Variants in TNKS observed in about 807,000 individuals in gnomAD.
TNKS encodes tankyrase.
Under a neutral mutation model 135.8 loss-of-function variants are expected in TNKS, and 72 were observed. The observed-to-expected ratio is 0.53, with a 90% confidence interval of 0.44 to 0.64. The LOEUF (loss-of-function observed/expected upper bound fraction) is 0.64, where lower values mean the gene tolerates loss of function less well. Ranked by LOEUF, TNKS falls within the 30% of genes least tolerant of loss-of-function variation. TNKS has a pLI of 0.00. For synonymous variants in TNKS, 849 were observed against 649.3 expected (o/e 1.31, Z -4.68); for missense variants, 1,769 against 1,674.0 (o/e 1.06, Z -0.99).
At chr8:9,662,626 A>G (rs1038945644) in intron 3 of TNKS, among the ~76,000 whole-genome samples, 13 of 152,210 alleles carry the variant, frequency 8.5e-5, no homozygotes, top group Non-Finnish European at 1.8e-4. Context: ...GGATAGCATT[A>G]GGAGATACAC....
intron 3 of TNKS, among the ~76,000 whole-genome samples, chr8:9,663,729 T>A (rs11780274): frequency 6.6e-5 from 10 of 152,124 alleles, no homozygotes; most frequent in African/African-American, 2.4e-4. Context: ...CAGGAAGATA[T>A]GTTTACCAGT....
At chr8:9,774,351 A>G (rs1808109196) in intron 26 of TNKS, among the ~76,000 whole-genome samples, 1 of 152,226 alleles carries the variant, frequency 6.6e-6, no homozygotes, top group South Asian at 2.1e-4. Context: ...AGAGAGCATG[A>G]CGGTCCCTTC....
At chr8:9,688,920 C>T (rs979215333) in intron 5 of TNKS, among the ~76,000 whole-genome samples, 3 of 152,058 alleles carry the variant, frequency 2.0e-5, no homozygotes, top group East Asian at 1.9e-4. Context: ...GGATTACAGG[C>T]GTGAGCCACT....
chr8:9,568,126 C>G (rs1797619337), intron 1 of TNKS, among the ~76,000 whole-genome samples: 1 of 152,152 alleles, frequency 6.6e-6, no homozygotes, highest in East Asian at 1.9e-4. Context: ...GACCTGTAGA[C>G]CTTCTCTGTC....
At position 9,587,501 on chromosome 8, in the gene TNKS, G is replaced by A. The variant is rs369503338; in HGVS notation, c.898+7118G>A. Among the ~76,000 whole-genome samples the A allele has an allele frequency of 4.6e-5, 7 of 151,344 alleles. 1 individual carries two copies. The highest frequency in any genetic ancestry group is 1.7e-4 in the African/African-American group (7 of 41,188). On this transcript the variant is annotated intron_variant, in intron 2 of 26. Coordinates refer to ENST00000310430, the MANE Select transcript of TNKS (RefSeq NM_003747.3). ...TGTAAGCTCGGCCTCCTGGGTTCACGCCATTCTCCTGCCTCAGCCTCCTGA... is the reference window on the plus strand; with the variant it reads ...TGTAAGCTCGGCCTCCTGGGTTCACACCATTCTCCTGCCTCAGCCTCCTGA...
In TNKS at chr8:9,735,402, T is replaced by A. The variant is rs1476003041; in HGVS notation, c.2559T>A (p.Ala853=). 6.2e-7 allele frequency: 1 copy of A among 1,614,158 alleles called. No homozygotes were observed. The highest frequency in any genetic ancestry group is 1.3e-5 in the African/African-American group (1 of 75,050). The part of the protein sequence containing the change: ...LAAGYNNLEV[A]EYLLEHGADV... ...CAGGCTATAATAACCTGGAAGTAGC[T>A]GAATATCTTCTAGAGCATGGAGCTG... Residue 853 remains alanine, a synonymous_variant, in exon 17 of 27, where the codon GCT becomes GCA. Transcript: ENST00000310430.
chr8:9,668,984 ATAAAC>A (rs1360651756), intron 3 of TNKS, among the ~76,000 whole-genome samples: 5 of 152,196 alleles, frequency 3.3e-5, no homozygotes, highest in African/African-American at 1.2e-4. Context: ...GAATAGGAGA[ATAAAC>A]TAATTAAAGC....
chr8:9,641,029 T>C (rs1800706314), intron 3 of TNKS, among the ~76,000 whole-genome samples: 1 of 145,976 alleles, frequency 6.9e-6, no homozygotes, highest in Non-Finnish European at 1.5e-5. Flanking sequence ...AACGCTTTAA[T>C]AGATTATTTC....
At chr8:9,776,556 C>A in intron 26 of TNKS, 94 bp from the exon 27 acceptor site, 2 of 1,144,600 alleles carry the variant, frequency 1.7e-6, no homozygotes, top group Non-Finnish European at 2.6e-6. Flanking sequence ...GAATATTGGT[C>A]ACGATTAACA....
chr8:9,733,203 G>C, intron 14 of TNKS, 76 bp from the exon 15 acceptor site: 1 of 1,410,182 alleles, frequency 7.1e-7, no homozygotes, highest in Non-Finnish European at 9.5e-7. Flanking sequence ...TAGAAGAATG[G>C]TAGGATTTTT....
Position 9,781,133 on chromosome 8 carries a change from C to G in TNKS, c.*4397C>G, listed in dbSNP as rs1808443277. The G allele has an allele frequency of 6.6e-6, 1 of 152,174 alleles. No homozygotes were observed. 9.4% of individuals were successfully genotyped at this position (152,174 alleles called of 1,614,324 possible). A position where few individuals can be genotyped will look rare whatever the true frequency, so the allele number is the denominator to read the frequency against. On this transcript the variant is annotated 3_prime_UTR_variant, in exon 27 of 27. Coordinates refer to ENST00000310430, the MANE Select transcript of TNKS (RefSeq NM_003747.3). ...TTTATACATTGCCAGAGAGTTCTGC[C>G]TCCTCTGAAATAACATTCGCACTGT...
chr8:9,643,183 C>G (rs561072965), intron 3 of TNKS, among the ~76,000 whole-genome samples: 1 of 146,150 alleles, frequency 6.8e-6, no homozygotes, highest in African/African-American at 2.5e-5. Context: ...ACCTTGCACC[C>G]ATTAGGATGG....
intron 11 of TNKS, among the ~76,000 whole-genome samples, chr8:9,710,881 G>C (rs1804296669): frequency 6.6e-6 from 1 of 152,040 alleles, no homozygotes; most frequent in Non-Finnish European, 1.5e-5. Flanking sequence ...GGGAGACAGA[G>C]TGAGAATCTG....
intron 1 of TNKS, among the ~76,000 whole-genome samples, chr8:9,572,516 CT>C (rs1392610208): frequency 1.3e-5 from 2 of 152,186 alleles, no homozygotes; most frequent in African/African-American, 4.8e-5. Context: ...TTATTCTCTT[CT>C]GTTTCATGTC....
At chr8:9,604,363 C>G (rs1394841247) in intron 2 of TNKS, among the ~76,000 whole-genome samples, 5 of 151,976 alleles carry the variant, frequency 3.3e-5, no homozygotes, top group African/African-American at 9.7e-5. Flanking sequence ...ATTGATATCA[C>G]CAAACTTCAA....
chr8:9,764,775 A>T lies in TNKS; in HGVS notation c.3432A>T (p.Arg1144Ser). 25 of 1,594,448 alleles carry T rather than the reference A, an allele frequency of 1.6e-5. No homozygotes were observed. Among genetic ancestry groups the T allele is most frequent in the East Asian group, 2.3e-5 (1 of 43,550 alleles). ...GTAATGCTGGCGGCATCTTCAACAG[A>T]TACAATGTCATTCGAGTAAGTTTTT... is the stretch of plus-strand genomic sequence containing the variant. ...DGGNAGGIFNRYNVIRIQKVV... is the reference protein window; with the variant it reads ...DGGNAGGIFNSYNVIRIQKVV... The change falls in exon 23 of 27, where the codon AGA becomes AGT. Residue 1144 changes from arginine (R) to serine (S), a missense_variant. Around this residue, in one of 5 missense-constraint regions of TNKS, gnomAD observed 722 missense variants for 688.9 expected, o/e 1.05. Transcript: ENST00000310430.
chr8:9,770,363 A>G, intron 26 of TNKS, 101 bp downstream of exon 26: 1 of 1,219,718 alleles, frequency 8.2e-7, no homozygotes, highest in African/African-American at 1.5e-5. Context: ...AATATCCACC[A>G]CACAGTGTGC....
rs370002383 is a variant in TNKS, at chr8:9,776,718, C to A, written c.3966C>A (p.Ala1322=). ...AAGCCCCTTCCCAGACCGCAACAGC[C>A]GCAGAGCAGAAGACCTAGTGAATGC... is the stretch of plus-strand genomic sequence containing the variant. The part of the protein sequence containing the change: ...KPEAPSQTAT[A]AEQKT The change falls in exon 27 of 27, where the codon GCC becomes GCA. Residue 1322 remains alanine (A), a synonymous_variant. Transcript: ENST00000310430. 5 of 1,613,948 alleles carry A rather than the reference C, an allele frequency of 3.1e-6. No homozygotes were observed. Among genetic ancestry groups the A allele is most frequent in the Non-Finnish European group, 4.2e-6 (5 of 1,179,898 alleles).
chr8:9,759,329 A>G (rs1807018863), intron 20 of TNKS, among the ~76,000 whole-genome samples: 1 of 152,184 alleles, frequency 6.6e-6, no homozygotes, highest in South Asian at 2.1e-4. Context: ...GTAATTTCCC[A>G]TCACTTCTGC....
Sources: gnomAD v4.1 joint callset for allele counts (sites outside exome capture counted in the v4.1 genomes callset) on GRCh38, gnomAD v4.1.1 for gene constraint, gnomAD v4.1.1 regional missense constraint, MANE v1.5 for transcripts, NCBI Gene and HGNC (gene_info 2026-07-23, HGNC 2026-07-21) for gene names.